Variants in MAN2B2 observed in about 807,000 individuals in gnomAD.
The protein encoded by MAN2B2 is epididymis-specific alpha-mannosidase.
In MAN2B2, 106 loss-of-function variants were observed where a neutral mutation model predicts 117.1. The ratio of observed to expected loss-of-function variants is 0.90; its 90% confidence interval spans 0.77 to 1.06. The LOEUF is 1.06. MAN2B2 is among the 50% of genes least tolerant of loss of function. MAN2B2 has a pLI of 0.00. For synonymous variants in MAN2B2, 544 were observed against 595.1 expected, an observed-to-expected ratio of 0.91 and a Z score of 1.25; for missense variants, 1,326 against 1,381.4, an observed-to-expected ratio of 0.96 and a Z score of 0.64.
At chr4:6,590,413 A>G (rs1302332026) in intron 5 of MAN2B2, among the ~76,000 whole-genome samples, 1 of 152,156 alleles carries the variant, frequency 6.6e-6, no homozygotes, top group African/African-American at 2.4e-5. Context: ...ATCAATGATG[A>G]GGTCTTTACA....
Position 6,607,495 on chromosome 4 carries a change from A to G in MAN2B2, c.1815-1612A>G, listed in dbSNP as rs370575571. Among the ~76,000 whole-genome samples, 7 of 152,330 alleles carry G rather than the reference A, an allele frequency of 4.6e-5. 1 individual carries two copies. The East Asian group carries it at 1.2e-3, about 25-fold the overall frequency. On this transcript the variant is annotated intron_variant, in intron 11 of 18. Transcript: ENST00000285599. ...GCTGGGATTACAGGCTTGAGCCACC[A>G]TGCCCAACCCACAACCCACTTAGCA...
At position 6,617,263 on chromosome 4, in the gene MAN2B2, A is replaced by G. The variant is rs992022689; in HGVS notation, c.2702-117A>G. 4.1e-6 allele frequency: 3 copies of G among 722,988 alleles called. No individual in the cohort carries two copies. The African/African-American group carries it at 5.2e-5, about 13-fold the overall frequency. The allele number at this position is 722,988 out of a possible 1,614,324, so 44.8% of individuals were successfully genotyped here. A position where few individuals can be genotyped will look rare whatever the true frequency, so the allele number is the denominator to read the frequency against. On this transcript the variant is annotated intron_variant, in intron 16 of 18. Coordinates refer to ENST00000285599, the MANE Select transcript of MAN2B2 (RefSeq NM_015274.3). ...TTGGTTGGGGACACAGCCAAACCAT[A>G]TCGAGGAGGTTACAGATAGGAAATG...
chr4:6,600,936 C>T (rs1727303809), intron 10 of MAN2B2, among the ~76,000 whole-genome samples, 180 bp downstream of exon 10: 1 of 152,192 alleles, frequency 6.6e-6, no homozygotes. Context: ...CAATTCTCCA[C>T]TTTTCTGACA....
chr4:6,579,192 GCACCACCACCATCACCAT>G (rs1726262739), intron 3 of MAN2B2, among the ~76,000 whole-genome samples: 32 of 5,154 alleles, frequency 6.2e-3, no homozygotes, highest in Non-Finnish European at 0.013. Flanking sequence ...ACCATCACCA[GCACCACCACCATCACCAT>G]CACCACCACC....
chr4:6,588,068 C>T (rs1045261769), intron 4 of MAN2B2, among the ~76,000 whole-genome samples: 4 of 152,122 alleles, frequency 2.6e-5, no homozygotes, highest in African/African-American at 9.7e-5. Flanking sequence ...CTTCATCCTG[C>T]ATTTCTTTTA....
chr4:6,592,306 A>G (rs1229124108), intron 5 of MAN2B2, among the ~76,000 whole-genome samples: 2 of 152,164 alleles, frequency 1.3e-5, no homozygotes, highest in African/African-American at 4.8e-5. Context: ...CCTGCTCCAC[A>G]TTCTACCAGG....
intron 10 of MAN2B2, among the ~76,000 whole-genome samples, chr4:6,604,833 G>C (rs1282913535): frequency 6.6e-6 from 1 of 151,972 alleles, no homozygotes; most frequent in Non-Finnish European, 1.5e-5. Flanking sequence ...GAAGCTTTGG[G>C]GACCCCAAGA....
chr4:6,601,853 C>T (rs991220390), intron 10 of MAN2B2, among the ~76,000 whole-genome samples: 1 of 152,222 alleles, frequency 6.6e-6, no homozygotes, highest in African/African-American at 2.4e-5. Flanking sequence ...GGCAAACTCC[C>T]AACCTCCAAA....
At chr4:6,604,880 G>C (rs1229528736) in intron 10 of MAN2B2, among the ~76,000 whole-genome samples, 175 bp from the exon 11 acceptor site, 6 of 152,084 alleles carry the variant, frequency 3.9e-5, no homozygotes, top group Non-Finnish European at 8.8e-5. Flanking sequence ...GTTCTCCCAG[G>C]ACTGATGTGG....
At chr4:6,577,928 G>A (rs531960282) in intron 2 of MAN2B2, among the ~76,000 whole-genome samples, 1 of 152,320 alleles carries the variant, frequency 6.6e-6, no homozygotes, top group South Asian at 2.1e-4. Context: ...TCTACATATA[G>A]TGCACCTTAA....
intron 7 of MAN2B2, among the ~76,000 whole-genome samples, chr4:6,594,955 C>T (rs1455660425): frequency 6.6e-6 from 1 of 152,256 alleles, no homozygotes; most frequent in African/African-American, 2.4e-5. Context: ...AGGGTTCAGC[C>T]TCTCACCATT....
rs1047966110 is a variant in MAN2B2, at chr4:6,619,934, T to C, written c.2822T>C (p.Leu941Pro). ...QPVTVNLEAVLQALGSVVAVE... is the reference protein window; with the variant it reads ...QPVTVNLEAVPQALGSVVAVE... ...CTGCTCCTCTCCCTGCAGGCTGTGC[T>C]GCAGGCGCTGGGGTCCGTGGTGGCA... is the stretch of plus-strand genomic sequence containing the variant. The change falls in exon 18 of 19, where the codon CTG becomes CCG. Residue 941 changes from leucine to proline, a missense_variant. By Grantham distance (98) the Leu-to-Pro change is moderately conservative. Coordinates refer to ENST00000285599, the MANE Select transcript of MAN2B2 (RefSeq NM_015274.3). The C allele has an allele frequency of 6.2e-7, 1 of 1,613,662 alleles. No individual in the cohort carries two copies. Among genetic ancestry groups the C allele is most frequent in the African/African-American group, 1.3e-5 (1 of 74,928 alleles).
intron 3 of MAN2B2, among the ~76,000 whole-genome samples, chr4:6,583,451 T>C (rs1726517951): frequency 6.6e-6 from 1 of 152,206 alleles, no homozygotes; most frequent in Admixed American, 6.5e-5. Flanking sequence ...AAGGACAGAA[T>C]GTATATCGGA....
intron 17 of MAN2B2, chr4:6,618,616 A>G (rs1712009456): frequency 2.6e-5 from 4 of 152,354 alleles, no homozygotes; most frequent in Admixed American, 2.6e-4. Context: ...TCTCAGCTCT[A>G]CTATCAGGCG....
chr4:6,609,004 C>T lies in MAN2B2; in HGVS notation c.1815-103C>T, dbSNP rs1044876597. ...GAGTCACATGGCCTCGTGAGTGCTA[C>T]GCAGGCCACTCAGATGGCATCTGGA... On this transcript the variant is annotated intron_variant, in intron 11 of 18. Coordinates refer to ENST00000285599, the MANE Select transcript of MAN2B2 (RefSeq NM_015274.3). The T allele has an allele frequency of 3.3e-5, 36 of 1,082,108 alleles. No homozygotes were observed. In the South Asian group the frequency reaches 4.1e-4, roughly 12 times the overall value. 67.0% of individuals were successfully genotyped at this position (1,082,108 alleles called of 1,614,324 possible). A position where few individuals can be genotyped will look rare whatever the true frequency, so the allele number is the denominator to read the frequency against.
intron 7 of MAN2B2, among the ~76,000 whole-genome samples, chr4:6,595,238 A>G (rs1240568761): frequency 6.6e-6 from 1 of 152,048 alleles, no homozygotes; most frequent in Non-Finnish European, 1.5e-5. Flanking sequence ...GTAAGCCTCT[A>G]CTCGCTGCCT....
At chr4:6,619,612 T>G in intron 17 of MAN2B2, 2 of 290,968 alleles carry the variant, frequency 6.9e-6, no homozygotes, top group African/African-American at 2.2e-5. Flanking sequence ...ACCTGAGCAA[T>G]GTGGGGAGAG....
At chr4:6,606,103 T>C (rs7659958) in intron 11 of MAN2B2, among the ~76,000 whole-genome samples, 29,262 of 151,846 alleles carry the variant, frequency 0.19, 2,916 homozygotes, top group Admixed American at 0.26. Context: ...GACCTTCTAA[T>C]GGAGAGGGGT....
intron 3 of MAN2B2, among the ~76,000 whole-genome samples, chr4:6,585,164 C>A (rs1323261180): frequency 1.3e-5 from 2 of 152,148 alleles, no homozygotes; most frequent in Non-Finnish European, 2.9e-5. Context: ...GCACCTGATG[C>A]CAGCCCCACT....
Sources: gnomAD v4.1 joint callset for allele counts (sites outside exome capture counted in the v4.1 genomes callset) on GRCh38, gnomAD v4.1.1 for gene constraint, MANE v1.5 for transcripts, NCBI Gene and HGNC (gene_info 2026-07-23, HGNC 2026-07-21) for gene names.